The following NCAM2 variants were observed in gnomAD, a reference collection of about 807,000 sequenced individuals.
The protein encoded by NCAM2 is N-CAM-2.
NCAM2 carries 30 observed loss-of-function variants against 98.1 expected under a neutral mutation model. The observed-to-expected ratio is 0.31, with a 90% CI of 0.23 to 0.41. NCAM2 has a LOEUF of 0.41. Among genes scored for constraint, NCAM2 ranks in the 10% least tolerant of loss-of-function variants. The probability of loss-of-function intolerance (pLI) is 1.00; values close to 1 mark genes in which losing one functional copy is unlikely to be tolerated. For missense variants in NCAM2, 867 were observed against 1,005.8 expected (o/e 0.86, Z 1.87); for synonymous variants, 368 against 342.4 (o/e 1.07, Z -0.83).
At chr21:21,253,292 G>A (rs1393357292) in intron 1 of NCAM2, among the ~76,000 whole-genome samples, 4 of 152,144 alleles carry the variant, frequency 2.6e-5, no homozygotes, top group Non-Finnish European at 5.9e-5. Flanking sequence ...ATAGTATTGA[G>A]AACAATTCCT....
chr21:21,254,569 A>C lies in NCAM2; in HGVS notation c.56-26009A>C, dbSNP rs2071592802. 4.6e-5 allele frequency among the ~76,000 whole-genome samples: 7 copies of C among 152,136 alleles called. No homozygotes were observed. In the South Asian group the frequency reaches 1.5e-3, roughly 32 times the overall value. ...GGAGCATTATTTTGAAAAAAGGTGA[A>C]CTTTAATGTCTAGACCATAACAAGT... is the stretch of plus-strand genomic sequence containing the variant. On this transcript the variant is annotated intron_variant, in intron 1 of 17. Transcript: ENST00000400546.
chr21:21,246,940 T>A (rs1285941847), intron 1 of NCAM2, among the ~76,000 whole-genome samples: 6 of 152,144 alleles, frequency 3.9e-5, no homozygotes, highest in Non-Finnish European at 7.3e-5. Context: ...TTGCACTTTA[T>A]CTTGAATAAT....
At chr21:21,517,020 T>A (rs1464809403) in intron 16 of NCAM2, among the ~76,000 whole-genome samples, 6 of 152,208 alleles carry the variant, frequency 3.9e-5, no homozygotes, top group Non-Finnish European at 1.5e-5. Context: ...GGCATCAGGA[T>A]GCCTGTGTGT....
intron 1 of NCAM2, among the ~76,000 whole-genome samples, chr21:21,235,231 ATCAAT>A (rs2070772993): frequency 6.6e-6 from 1 of 152,064 alleles, no homozygotes; most frequent in African/African-American, 2.4e-5. Context: ...GCTTTTTAAA[ATCAAT>A]TCAATTTTTT....
chr21:21,280,725 TTAAC>T, intron 2 of NCAM2, 73 bp downstream of exon 2: 3 of 967,756 alleles, frequency 3.1e-6, no homozygotes, highest in Non-Finnish European at 4.5e-6. Flanking sequence ...TTGGCTAAAT[TTAAC>T]TAGTTAAAAA....
At chr21:21,242,515 T>C (rs1266783312) in intron 1 of NCAM2, among the ~76,000 whole-genome samples, 1 of 152,224 alleles carries the variant, frequency 6.6e-6, no homozygotes, top group Non-Finnish European at 1.5e-5. Flanking sequence ...TCTATAACTC[T>C]GGTCATCTCC....
At chr21:21,059,274 A>G (rs181530121) in intron 1 of NCAM2, among the ~76,000 whole-genome samples, 8 of 152,244 alleles carry the variant, frequency 5.3e-5, no homozygotes, top group African/African-American at 1.9e-4. Context: ...CATTTGATCC[A>G]GAAGAGAATT....
intron 11 of NCAM2, among the ~76,000 whole-genome samples, chr21:21,425,181 A>G (rs2145989673): frequency 6.6e-6 from 1 of 152,114 alleles, no homozygotes; most frequent in Admixed American, 6.6e-5. Flanking sequence ...TGTTCTAGAG[A>G]CAGATTTCAA....
chr21:21,126,236 T>TAA lies in NCAM2; in HGVS notation c.55+127639_55+127640dup, dbSNP rs778070776. Among the ~76,000 whole-genome samples, 236 of 97,554 alleles carry TAA rather than the reference T, an allele frequency of 2.4e-3. 6 individuals are homozygous for TAA. The highest frequency in any genetic ancestry group is 8.1e-3 in the African/African-American group (215 of 26,486). The allele number at this position is 97,554 out of a possible 152,430, so 64.0% of individuals were successfully genotyped here. The stretch of plus-strand genomic sequence containing the variant: ...CCATTTCCGATACTATCATGGAACA[T>TAA]AAAAAAAAAAAAAAAAAAAAAATCG... On this transcript the variant is annotated intron_variant, in intron 1 of 17. Transcript: ENST00000400546.
rs17805598 is a variant in NCAM2, at chr21:21,357,665, A to G, written c.1045-16198A>G. Among the ~76,000 whole-genome samples, 895 of 152,060 alleles carry G rather than the reference A, an allele frequency of 5.9e-3. 4 individuals are homozygous for G. Among genetic ancestry groups the G allele is most frequent in the Non-Finnish European group, 0.01 (706 of 67,950 alleles). On this transcript the variant is annotated intron_variant, in intron 8 of 17. Coordinates refer to ENST00000400546, the MANE Select transcript of NCAM2 (RefSeq NM_004540.5). Reference sequence around the variant, plus strand: ...TGTGAGTAGTTATACTTCTGGGTAAATTTTTTACAACTTTATTTTTATTAC... The same window carrying G: ...TGTGAGTAGTTATACTTCTGGGTAAGTTTTTTACAACTTTATTTTTATTAC...
intron 1 of NCAM2, among the ~76,000 whole-genome samples, chr21:21,070,973 G>A (rs1157579779): frequency 6.6e-6 from 1 of 152,122 alleles, no homozygotes; most frequent in African/African-American, 2.4e-5. Flanking sequence ...TAAACAGAAG[G>A]AAAAGAAGGC....
At chr21:21,086,841 G>A (rs1347920377) in intron 1 of NCAM2, among the ~76,000 whole-genome samples, 1 of 151,992 alleles carries the variant, frequency 6.6e-6, no homozygotes, top group Non-Finnish European at 1.5e-5. Flanking sequence ...GTGTGTGTGT[G>A]TGTGTGATTT....
At chr21:21,152,309 T>G (rs1383219253) in intron 1 of NCAM2, among the ~76,000 whole-genome samples, 3 of 152,048 alleles carry the variant, frequency 2.0e-5, no homozygotes, top group African/African-American at 7.2e-5. Context: ...TTATCCTGAT[T>G]TATATTTTCC....
At chr21:21,215,171 G>T (rs1033724691) in intron 1 of NCAM2, among the ~76,000 whole-genome samples, 1 of 152,010 alleles carries the variant, frequency 6.6e-6, no homozygotes, top group African/African-American at 2.4e-5. Flanking sequence ...GATGCCCCAT[G>T]ACTAGTGAAG....
chr21:21,251,990 A>G (rs1342043448), intron 1 of NCAM2, among the ~76,000 whole-genome samples: 1 of 152,164 alleles, frequency 6.6e-6, no homozygotes, highest in Non-Finnish European at 1.5e-5. Context: ...TATGTCCTGA[A>G]TAATATCACC....
chr21:21,513,547 G>A (rs1191983397), intron 16 of NCAM2, among the ~76,000 whole-genome samples: 2 of 151,614 alleles, frequency 1.3e-5, no homozygotes, highest in African/African-American at 4.9e-5. Flanking sequence ...GTTTTCCGTT[G>A]TCAGAAAATA....
chr21:21,429,537 T>A (rs989500525), intron 11 of NCAM2, among the ~76,000 whole-genome samples: 1 of 152,188 alleles, frequency 6.6e-6, no homozygotes, highest in African/African-American at 2.4e-5. Flanking sequence ...TGGCATTTTT[T>A]AAGGGGATCC....
chr21:21,377,784 C>A (rs554337982), intron 9 of NCAM2, among the ~76,000 whole-genome samples: 1 of 151,876 alleles, frequency 6.6e-6, no homozygotes, highest in Non-Finnish European at 1.5e-5. Context: ...AAACCTATTT[C>A]TCCTGTCTAT....
At chr21:21,368,750 C>G (rs903726347) in intron 8 of NCAM2, among the ~76,000 whole-genome samples, 12 of 151,818 alleles carry the variant, frequency 7.9e-5, no homozygotes, top group African/African-American at 2.9e-4. Flanking sequence ...AATACCAGCA[C>G]AGTGGGGCTT....
Sources: gnomAD v4.1 joint callset for allele counts (sites outside exome capture counted in the v4.1 genomes callset) on GRCh38, gnomAD v4.1.1 for gene constraint, MANE v1.5 for transcripts, NCBI Gene and HGNC (gene_info 2026-07-23, HGNC 2026-07-21) for gene names.